Variants in PDGFRA observed in about 807,000 individuals in gnomAD.
PDGFRA encodes platelet derived growth factor receptor alpha, also known as platelet-derived growth factor receptor alpha.
Under a neutral mutation model 121.5 loss-of-function variants are expected in PDGFRA, and 25 were observed. That is an observed-to-expected ratio of 0.21 (90% confidence interval 0.15 to 0.29). PDGFRA has a LOEUF of 0.29. PDGFRA is among the 10% of genes least tolerant of loss of function. PDGFRA has a pLI of 1.00. For synonymous variants in PDGFRA, 463 were observed against 494.8 expected, an observed-to-expected ratio of 0.94 and a Z score of 0.85; for missense variants, 1,008 against 1,345.1, an observed-to-expected ratio of 0.75 and a Z score of 3.92.
At position 54,277,954 on chromosome 4, in the gene PDGFRA, C is replaced by T. The variant is rs1553904887; in HGVS notation, c.1950C>T (p.His650=). Residue 650 remains histidine (H), a synonymous_variant, in exon 14 of 23, where the codon CAC becomes CAT. Transcript: ENST00000257290. ...TGTCTGAACTGAAGATAATGACTCA[C>T]CTGGGGCCACATTTGAACATTGTAA... The part of the protein sequence containing the change: ...ALMSELKIMT[H]LGPHLNIVNL... The T allele has an allele frequency of 6.2e-7, 1 of 1,613,866 alleles. No individual in the cohort carries two copies.
chr4:54,264,882 T>G (rs372866226), intron 4 of PDGFRA, 37 bp from the exon 5 acceptor site: 3 of 1,568,970 alleles, frequency 1.9e-6, no homozygotes, highest in Non-Finnish European at 2.6e-6. Flanking sequence ...GGCTATCCTG[T>G]GGATTTTTAG....
intron 1 of PDGFRA, among the ~76,000 whole-genome samples, chr4:54,247,710 C>G (rs550323697): frequency 6.6e-6 from 1 of 152,024 alleles, no homozygotes; most frequent in Admixed American, 6.6e-5. Flanking sequence ...TAGTGTTGGA[C>G]GTTCTGGCCA....
At position 54,261,122 on chromosome 4, in the gene PDGFRA, C is replaced by CATT. The variant is rs1560466532; in HGVS notation, c.79_81dup (p.Leu27dup). ...CTGAGCCTAATCCTCTGCCAGCTTT[C>CATT]ATTACCCTCTATCCTTCCAAATGAA... On this transcript the variant is annotated inframe_insertion, in exon 3 of 23. Coordinates refer to ENST00000257290, the MANE Select transcript of PDGFRA (RefSeq NM_006206.6). 3 of 1,614,162 alleles carry CATT rather than the reference C, an allele frequency of 1.9e-6. No individual in the cohort carries two copies. The East Asian group carries it at 6.7e-5, about 36-fold the overall frequency.
intron 1 of PDGFRA, among the ~76,000 whole-genome samples, chr4:54,241,452 C>T (rs1260811823): frequency 2.6e-5 from 4 of 151,484 alleles, no homozygotes; most frequent in South Asian, 4.2e-4. Flanking sequence ...ATGTAAGTCA[C>T]GATAAAGTTT....
At chr4:54,260,445 C>G (rs896112382) in intron 2 of PDGFRA, among the ~76,000 whole-genome samples, 3 of 119,666 alleles carry the variant, frequency 2.5e-5, no homozygotes, top group Non-Finnish European at 3.2e-5. Flanking sequence ...GTCTCTCGCT[C>G]TATTGCCCAG....
At chr4:54,245,506 C>T (rs1721593026) in intron 1 of PDGFRA, among the ~76,000 whole-genome samples, 1 of 152,146 alleles carries the variant, frequency 6.6e-6, no homozygotes, top group African/African-American at 2.4e-5. Context: ...TACAGACAAG[C>T]AAATGCTGAG....
At chr4:54,280,734 G>A in intron 16 of PDGFRA, 16 of 322,144 alleles carry the variant, frequency 5.0e-5, no homozygotes, top group East Asian at 3.1e-4. Context: ...GAATTTTCTT[G>A]GTGTGTTCCT....
At chr4:54,255,362 T>G (rs552213765) in intron 1 of PDGFRA, among the ~76,000 whole-genome samples, 6 of 152,306 alleles carry the variant, frequency 3.9e-5, no homozygotes, top group Admixed American at 3.9e-4. Flanking sequence ...AATTCTGATT[T>G]CTGCAATGTA....
intron 4 of PDGFRA, chr4:54,264,541 C>A (rs779926402): frequency 3.5e-6 from 1 of 285,900 alleles, no homozygotes; most frequent in Non-Finnish European, 6.7e-6. Flanking sequence ...AGAGAAGAAA[C>A]AATTGGATAG....
At chr4:54,247,461 A>G (rs1434584722) in intron 1 of PDGFRA, among the ~76,000 whole-genome samples, 1 of 152,204 alleles carries the variant, frequency 6.6e-6, no homozygotes, top group Non-Finnish European at 1.5e-5. Context: ...AGAACCAAAG[A>G]CAAAAACCAC....
chr4:54,250,172 AC>A (rs1277185953), intron 1 of PDGFRA, among the ~76,000 whole-genome samples: 1 of 152,174 alleles, frequency 6.6e-6, no homozygotes, highest in Non-Finnish European at 1.5e-5. Flanking sequence ...TCATTTGGAA[AC>A]CCAAGTCTCC....
chr4:54,295,314 C>G lies in PDGFRA; in HGVS notation c.*42C>G, dbSNP rs766440824. On this transcript the variant is annotated 3_prime_UTR_variant, in exon 23 of 23. Transcript: ENST00000257290. ...GTTCCTTCCACTTCTGGGGCCACCT[C>G]TGGATCCCGTTCAGAAAACCACTTT... 2.5e-6 allele frequency: 4 copies of G among 1,608,284 alleles called. No homozygotes were observed. The highest frequency in any genetic ancestry group is 3.4e-6 in the Non-Finnish European group (4 of 1,175,188).
At chr4:54,244,069 G>C (rs1055843312) in intron 1 of PDGFRA, among the ~76,000 whole-genome samples, 1 of 152,220 alleles carries the variant, frequency 6.6e-6, no homozygotes, top group Non-Finnish European at 1.5e-5. Context: ...TGGGAAGCTC[G>C]AACAGGGTGG....
Position 54,278,359 on chromosome 4 carries a change from T to C in PDGFRA, c.2003-3T>C, listed in dbSNP as rs748981591. On this transcript the variant is annotated splice_polypyrimidine_tract_variant and splice_region_variant and intron_variant, in intron 14 of 22. Transcript: ENST00000257290. ...CATCTCCTAACGGCTTTTGTCCCCA[T>C]AGGCCCCATTTACATCATCACAGAG... 4 of 1,613,024 alleles carry C rather than the reference T, an allele frequency of 2.5e-6. No individual in the cohort carries two copies. The highest frequency in any genetic ancestry group is 4.5e-5 in the East Asian group (2 of 44,830).
At chr4:54,262,411 T>G (rs1053618631) in intron 3 of PDGFRA, among the ~76,000 whole-genome samples, 1 of 152,118 alleles carries the variant, frequency 6.6e-6, no homozygotes, top group African/African-American at 2.4e-5. Flanking sequence ...CGAGCACAAG[T>G]GATGGCAATT....
At chr4:54,271,649 C>CTCCT (rs988266253) in intron 8 of PDGFRA, among the ~76,000 whole-genome samples, 1 of 140,004 alleles carries the variant, frequency 7.1e-6, no homozygotes, top group Non-Finnish European at 1.5e-5. Context: ...TTTCCTTTCT[C>CTCCT]TCCTTCCTTC....
intron 1 of PDGFRA, among the ~76,000 whole-genome samples, chr4:54,234,790 A>G (rs771077199): frequency 8.5e-5 from 13 of 152,166 alleles, no homozygotes; most frequent in African/African-American, 1.2e-4. Context: ...TCAAACTGCT[A>G]CTGCTACTCC....
intron 16 of PDGFRA, chr4:54,281,845 C>T (rs1297543242): frequency 8.1e-7 from 1 of 1,231,506 alleles, no homozygotes; most frequent in East Asian, 3.8e-5. Context: ...AACAAAGAAA[C>T]TCAAAGGAAA....
Position 54,281,851 on chromosome 4 carries a change from G to A in PDGFRA, c.2323+1369G>A, listed in dbSNP as rs1724093813. Reference sequence around the variant, plus strand: ...CAAGTTACAAACAAAGAAACTCAAAGGAAAGTCATTGGCACTGATCTCTAA... The same window carrying A: ...CAAGTTACAAACAAAGAAACTCAAAAGAAAGTCATTGGCACTGATCTCTAA... On this transcript the variant is annotated intron_variant, in intron 16 of 22. Transcript: ENST00000257290. 2.1e-5 allele frequency: 26 copies of A among 1,233,154 alleles called. No individual in the cohort carries two copies. The South Asian group carries it at 3.9e-4, about 19-fold the overall frequency. The allele number at this position is 1,233,154 out of a possible 1,614,324, so 76.4% of individuals were successfully genotyped here.
Sources: allele counts gnomAD v4.1 joint callset (sites outside exome capture counted in the v4.1 genomes callset), GRCh38; gene constraint gnomAD v4.1.1; transcripts MANE v1.5; gene names NCBI Gene and HGNC (gene_info 2026-07-23, HGNC 2026-07-21).